Variants in PDE4DIP observed in about 807,000 individuals in gnomAD.
PDE4DIP encodes the protein phosphodiesterase 4D interacting protein.
PDE4DIP carries 59 observed loss-of-function variants against 221.4 expected under a neutral mutation model. The ratio of observed to expected loss-of-function variants is 0.27; its 90% CI spans 0.22 to 0.33. The LOEUF (loss-of-function observed/expected upper bound fraction) is 0.33. PDE4DIP is among the 10% of genes least tolerant of loss of function. PDE4DIP has a pLI of 1.00. For synonymous variants in PDE4DIP, 404 were observed against 815.9 expected, an observed-to-expected ratio of 0.50 and a Z score of 8.60; for missense variants, 1,036 against 2,154.2, an observed-to-expected ratio of 0.48 and a Z score of 10.28.
intron 21 of PDE4DIP, chr1:148,986,494 T>C (rs1487960314): frequency 1.3e-5 from 2 of 152,236 alleles, no homozygotes; most frequent in Non-Finnish European, 2.9e-5. Flanking sequence ...GGTTTTATTC[T>C]TAAGATATTT....
intron 14 of PDE4DIP, among the ~76,000 whole-genome samples, chr1:148,970,836 C>G (rs369088158): frequency 3.9e-5 from 6 of 152,102 alleles, no homozygotes; most frequent in Non-Finnish European, 8.8e-5. Context: ...TATTCTGATA[C>G]GTCTAAAATA....
chr1:148,912,279 G>A (rs2042915227), intron 1 of PDE4DIP, among the ~76,000 whole-genome samples: 1 of 146,582 alleles, frequency 6.8e-6, no homozygotes. Flanking sequence ...CTCATTCTTT[G>A]CACTTGGCAG....
At chr1:148,946,024 C>G (rs1553483244) in intron 5 of PDE4DIP, among the ~76,000 whole-genome samples, 5 of 150,576 alleles carry the variant, frequency 3.3e-5, no homozygotes, top group Non-Finnish European at 7.4e-5. Context: ...ACTCTTTGAC[C>G]TCCAGTCTCT....
chr1:148,975,652 C>G (rs1183111073), intron 17 of PDE4DIP, among the ~76,000 whole-genome samples: 1 of 152,146 alleles, frequency 6.6e-6, no homozygotes, highest in African/African-American at 2.4e-5. Flanking sequence ...TCCCTTCCCC[C>G]TGCCTTTCCT....
At chr1:148,960,055 A>G (rs1237678309) in intron 5 of PDE4DIP, among the ~76,000 whole-genome samples, 1 of 152,222 alleles carries the variant, frequency 6.6e-6, no homozygotes, top group Non-Finnish European at 1.5e-5. Context: ...TAGATAGTAT[A>G]CTCCTTTACC....
At chr1:148,986,693 G>A (rs1170801003) in intron 21 of PDE4DIP, among the ~76,000 whole-genome samples, 4 of 152,106 alleles carry the variant, frequency 2.6e-5, no homozygotes, top group Non-Finnish European at 4.4e-5. Flanking sequence ...TACTTTCCCC[G>A]GAAATGTCAC....
chr1:148,919,762 T>C (rs2045061653), intron 1 of PDE4DIP, among the ~76,000 whole-genome samples: 1 of 151,086 alleles, frequency 6.6e-6, no homozygotes, highest in African/African-American at 2.5e-5. Flanking sequence ...AGGGTTTCCC[T>C]ACAAGATTTT....
chr1:148,994,447 G>GA (rs1553562960), intron 22 of PDE4DIP, among the ~76,000 whole-genome samples: 1 of 141,732 alleles, frequency 7.1e-6, no homozygotes, highest in Admixed American at 7.1e-5. Flanking sequence ...ACCTCTTAAA[G>GA]AAAAAAAATC....
At chr1:148,953,132 T>G in intron 5 of PDE4DIP, 1 of 1,614,070 alleles carries the variant, frequency 6.2e-7, no homozygotes, top group Non-Finnish European at 8.5e-7. Flanking sequence ...GGTTGACATG[T>G]CCGTCTTACC....
At chr1:149,018,269 T>C (rs1357844351) in intron 34 of PDE4DIP, 5 of 427,742 alleles carry the variant, frequency 1.2e-5, no homozygotes, top group African/African-American at 9.8e-5. Flanking sequence ...GGCCAGTCTT[T>C]CCATATGTTG....
At chr1:149,013,882 G>A (rs2069481934) in intron 32 of PDE4DIP, among the ~76,000 whole-genome samples, 1 of 147,762 alleles carries the variant, frequency 6.8e-6, no homozygotes, top group African/African-American at 2.6e-5. Flanking sequence ...CTACCTCCTG[G>A]GCTCAAGCGA....
At chr1:148,967,976 T>C in intron 13 of PDE4DIP, 71 bp downstream of exon 16, 1 of 925,552 alleles carries the variant, frequency 1.1e-6, no homozygotes, top group Non-Finnish European at 1.7e-6. Context: ...TTAGGACTCT[T>C]CAGATTGGGA....
In PDE4DIP at chr1:148,929,419, G is replaced by A; in HGVS notation, c.218+146G>A. The stretch of plus-strand genomic sequence containing the variant: ...GAACTGAAACAATAGATTTTCATAT[G>A]CTGTGTTTCCCTTGGGCTCTTTCTC... On this transcript the variant is annotated intron_variant, in intron 2 of 43. Coordinates refer to ENST00000369354, the Ensembl canonical transcript of PDE4DIP. 3 of 1,211,104 alleles carry A rather than the reference G, an allele frequency of 2.5e-6. No homozygotes were observed. The South Asian group carries it at 4.7e-5, about 19-fold the overall frequency. The allele number at this position is 1,211,104 out of a possible 1,614,324, so 75.0% of individuals were successfully genotyped here. A position where few individuals can be genotyped will look rare whatever the true frequency, so the allele number is the denominator to read the frequency against.
chr1:148,953,998 C>G, intron 5 of PDE4DIP: 1 of 736,642 alleles, frequency 1.4e-6, no homozygotes, highest in Non-Finnish European at 2.4e-6. Flanking sequence ...TAGAAATATT[C>G]TGGACTTGAG....
At chr1:148,962,921 C>CT in intron 9 of PDE4DIP, among the ~76,000 whole-genome samples, 1 of 152,098 alleles carries the variant, frequency 6.6e-6, no homozygotes, top group South Asian at 2.1e-4. Context: ...GAGACAGAGT[C>CT]TCGCTCTGTC....
intron 30 of PDE4DIP, 43 bp from the exon 34 acceptor site, chr1:149,010,400 C>T: frequency 5.0e-6 from 8 of 1,597,010 alleles, no homozygotes; most frequent in Non-Finnish European, 6.0e-6. Flanking sequence ...TTCCAGTTCT[C>T]TGTAGAACAT....
intron 2 of PDE4DIP, among the ~76,000 whole-genome samples, chr1:148,865,022 T>A (rs1685976706): frequency 7.3e-6 from 1 of 137,366 alleles, no homozygotes; most frequent in Non-Finnish European, 1.6e-5. Context: ...TATCAGATTA[T>A]CTTCCCCTTA....
At chr1:148,903,009 T>C (rs1553447845) in intron 1 of PDE4DIP, among the ~76,000 whole-genome samples, 1 of 151,922 alleles carries the variant, frequency 6.6e-6, no homozygotes, top group Non-Finnish European at 1.5e-5. Flanking sequence ...CTGTACTAGT[T>C]TACATTCCCA....
intron 5 of PDE4DIP, among the ~76,000 whole-genome samples, chr1:148,958,712 CATT>C (rs781969659): frequency 3.0e-4 from 45 of 149,862 alleles, no homozygotes; most frequent in Non-Finnish European, 1.2e-4. Flanking sequence ...AATGTTATCT[CATT>C]AATAATTTTT....
Sources: gnomAD v4.1 joint callset for allele counts (sites outside exome capture counted in the v4.1 genomes callset) on GRCh38, gnomAD v4.1.1 for gene constraint, MANE v1.5 for transcripts, NCBI Gene and HGNC (gene_info 2026-07-23, HGNC 2026-07-21) for gene names.